Variants in NFIC observed in about 807,000 individuals in gnomAD.
The protein encoded by NFIC is nuclear factor I C, also known as nuclear factor 1 C-type.
A neutral mutation model predicts 54.4 loss-of-function variants in NFIC; 12 were observed. That is an observed-to-expected ratio of 0.22 (90% CI 0.14 to 0.36). The LOEUF is 0.36. Among genes scored for constraint, NFIC ranks in the 10% least tolerant of loss-of-function variants. NFIC has a pLI of 1.00. For synonymous variants in NFIC, 322 were observed against 319.2 expected, an observed-to-expected ratio of 1.01 and a Z score of -0.09; for missense variants, 575 against 718.2, an observed-to-expected ratio of 0.80 and a Z score of 2.28.
At chr19:3,384,912 T>C (rs1296877244) in intron 2 of NFIC, among the ~76,000 whole-genome samples, 1 of 152,046 alleles carries the variant, frequency 6.6e-6, no homozygotes, top group African/African-American at 2.4e-5. Flanking sequence ...CCACCACACA[T>C]CTTCCTCGCC....
chr19:3,391,126 T>G (rs1462688539), intron 2 of NFIC, among the ~76,000 whole-genome samples: 1 of 151,898 alleles, frequency 6.6e-6, no homozygotes, highest in African/African-American at 2.4e-5. Context: ...TGCACGCACT[T>G]GTGTTCCCAT....
chr19:3,372,950 T>A (rs1289211974), intron 1 of NFIC, among the ~76,000 whole-genome samples: 1 of 151,992 alleles, frequency 6.6e-6, no homozygotes, highest in Non-Finnish European at 1.5e-5. Flanking sequence ...GTTCAAGCGA[T>A]TTTCCCGCCT....
At position 3,381,857 on chromosome 19, in the gene NFIC, A is replaced by T; in HGVS notation, c.176A>T (p.Asp59Val). The stretch of plus-strand genomic sequence containing the variant: ...AAGGACGAGGAGCGTGCGGTCAAGG[A>T]CGAGCTGCTGGGCGAGAAGCCCGAG... ...MSKDEERAVK[D>V]ELLGEKPEVK... The change falls in exon 2 of 11, where the codon GAC becomes GTC. Residue 59 changes from aspartate to valine, a missense_variant. Asp to Val is a radical substitution (Grantham distance 152). Coordinates refer to ENST00000443272, the MANE Select transcript of NFIC (RefSeq NM_001245002.2). The T allele has an allele frequency of 1.2e-6, 2 of 1,613,974 alleles. No homozygotes were observed. Among genetic ancestry groups the T allele is most frequent in the Non-Finnish European group, 1.7e-6 (2 of 1,179,952 alleles).
chr19:3,452,498 A>G lies in NFIC; in HGVS notation c.1101A>G (p.Pro367=). 1 of 1,612,284 alleles carries G rather than the reference A, an allele frequency of 6.2e-7. No individual in the cohort carries two copies. Among genetic ancestry groups the G allele is most frequent in the South Asian group, 1.1e-5 (1 of 91,056 alleles). The change falls in exon 8 of 11, where the codon CCA becomes CCG. Residue 367 remains proline (P), a synonymous_variant. Coordinates refer to ENST00000443272, the MANE Select transcript of NFIC (RefSeq NM_001245002.2). This position sits in a 1 kb window ranked among gnomAD's most constrained non-coding sequence, Gnocchi z 5.3. ...IAVHSGIARS[P]HPSSALHFPT... ...TCTCCGCAGGGATCGCCCGGAGCCC[A>G]CACCCGTCCTCCGCTCTGCATTTCC...
rs2080968484 is a variant in NFIC at position 3,369,876 on chromosome 19, G to A, written c.30+3210G>A. On this transcript the variant is annotated intron_variant, in intron 1 of 10. Transcript: ENST00000443272. This position sits in a 1 kb window ranked among gnomAD's most constrained non-coding sequence, Gnocchi z 4.3. ...CCGCCACCGGGTCCCTGTCTCATTC[G>A]TTCGTTGTTTCCTTCATTCGTTCGT... Among the ~76,000 whole-genome samples the A allele has an allele frequency of 1.3e-5, 2 of 152,314 alleles. No individual in the cohort carries two copies. Among genetic ancestry groups the A allele is most frequent in the South Asian group, 2.1e-4 (1 of 4,832 alleles).
At chr19:3,362,525 A>C (rs1411648432), upstream of NFIC, among the ~76,000 whole-genome samples, 2 of 150,460 alleles carry the variant, frequency 1.3e-5, no homozygotes, top group African/African-American at 4.9e-5. Context: ...CTGTGCGTGT[A>C]TTTGTGTCTT....
intron 6 of NFIC, among the ~76,000 whole-genome samples, chr19:3,448,457 G>A (rs1220473674): frequency 6.6e-6 from 1 of 152,178 alleles, no homozygotes; most frequent in Non-Finnish European, 1.5e-5. Flanking sequence ...TTTGTCCCAG[G>A]CAGCCTGGGA....
chr19:3,388,221 G>A (rs1359982527), intron 2 of NFIC, among the ~76,000 whole-genome samples: 1 of 152,234 alleles, frequency 6.6e-6, no homozygotes, highest in Non-Finnish European at 1.5e-5. Context: ...CCTGGAGAGG[G>A]TGGCAGGAGA....
intron 6 of NFIC, among the ~76,000 whole-genome samples, chr19:3,439,593 G>A (rs2145645975): frequency 6.6e-6 from 1 of 151,110 alleles, no homozygotes; most frequent in East Asian, 2.0e-4. Context: ...AGTGAGCCGA[G>A]ATTGTGCCAT....
Position 3,468,438 on chromosome 19 carries a change from C to T in NFIC, c.*5669C>T, listed in dbSNP as rs1889309531. ...ATCTTGGGTCCCAGCCAGGCCCCCC[C>T]AAAACCAAAGCCCCCTCAAGTCCTG... On this transcript the variant is annotated 3_prime_UTR_variant, in exon 11 of 11. Transcript: ENST00000443272. The T allele has an allele frequency of 6.6e-6, 1 of 152,138 alleles. No individual in the cohort carries two copies. Among genetic ancestry groups the T allele is most frequent in the African/African-American group, 2.4e-5 (1 of 41,382 alleles). 9.4% of individuals were successfully genotyped at this position (152,138 alleles called of 1,614,324 possible). A position where few individuals can be genotyped will look rare whatever the true frequency, so the allele number is the denominator to read the frequency against.
intron 1 of NFIC, chr19:3,359,766 CT>C: frequency 7.6e-7 from 1 of 1,323,530 alleles, no homozygotes; most frequent in Non-Finnish European, 9.8e-7. Context: ...GTTGCAAGAT[CT>C]GGGGGGACAG....
chr19:3,366,730 T>C (rs2080894145), intron 1 of NFIC, 64 bp downstream of exon 1: 4 of 1,208,240 alleles, frequency 3.3e-6, no homozygotes, highest in South Asian at 2.0e-5. Flanking sequence ...CCCCGGAGTT[T>C]TGAAGCAGGA....
Position 3,459,462 on chromosome 19 carries a change from G to T in NFIC, c.1509+2827G>T, listed in dbSNP as rs533992151. Among the ~76,000 whole-genome samples, 4 of 152,200 alleles carry T rather than the reference G, an allele frequency of 2.6e-5. No individual in the cohort carries two copies. The highest frequency in any genetic ancestry group is 9.6e-5 in the African/African-American group (4 of 41,496). On this transcript the variant is annotated intron_variant, in intron 10 of 10. Coordinates refer to ENST00000443272, the MANE Select transcript of NFIC (RefSeq NM_001245002.2). The surrounding 1 kb of genome is among the most constrained non-coding windows in gnomAD (Gnocchi z 4.2). Reference sequence around the variant, plus strand: ...TAAGCAGCTGGGTAAACCGAGGGTGGGGGGCAAGGCGGGCATTGAGCCACA... The same window carrying T: ...TAAGCAGCTGGGTAAACCGAGGGTGTGGGGCAAGGCGGGCATTGAGCCACA...
chr19:3,405,437 G>C (rs575231492), intron 2 of NFIC, among the ~76,000 whole-genome samples: 1 of 152,174 alleles, frequency 6.6e-6, no homozygotes, highest in East Asian at 1.9e-4. Context: ...GTCAGGATGT[G>C]GAGGCTCAGA....
intron 10 of NFIC, 82 bp from the exon 11 acceptor site, chr19:3,462,670 A>C: frequency 3.3e-6 from 5 of 1,503,928 alleles, no homozygotes; most frequent in Middle Eastern, 1.7e-4. Context: ...GAAGAGGTAA[A>C]CCATGTCTGC....
chr19:3,427,939 G>A (rs746861718), intron 3 of NFIC, among the ~76,000 whole-genome samples: 22 of 151,994 alleles, frequency 1.4e-4, no homozygotes, highest in Non-Finnish European at 2.2e-4. Flanking sequence ...GGGGACTGAG[G>A]TGGGTGGATC....
At chr19:3,381,630 C>A in intron 1 of NFIC, 82 bp from the exon 2 acceptor site, 1 of 1,513,586 alleles carries the variant, frequency 6.6e-7, no homozygotes, top group Non-Finnish European at 8.8e-7. Context: ...AGGGCCCCTC[C>A]GACCTCAGCC....
intron 6 of NFIC, among the ~76,000 whole-genome samples, chr19:3,439,667 G>A (rs1430434603): frequency 6.6e-6 from 1 of 150,752 alleles, no homozygotes; most frequent in Admixed American, 6.6e-5. Flanking sequence ...TGATATCCCA[G>A]TGAAGAGAAA....
At chr19:3,404,879 C>T (rs1005756688) in intron 2 of NFIC, among the ~76,000 whole-genome samples, 31 of 152,252 alleles carry the variant, frequency 2.0e-4, no homozygotes, top group African/African-American at 7.0e-4. Context: ...AAGAGTGACA[C>T]CGGGGTCCCC....
Sources: gnomAD v4.1 joint callset for allele counts (sites outside exome capture counted in the v4.1 genomes callset) on GRCh38, gnomAD v4.1.1 for gene constraint, Gnocchi (gnomAD v3.1) non-coding constraint, MANE v1.5 for transcripts, NCBI Gene and HGNC (gene_info 2026-07-23, HGNC 2026-07-21) for gene names.